HCK: variants seen among roughly 807,000 people sequenced by gnomAD.
HCK encodes the protein tyrosine-protein kinase HCK.
HCK carries 40 observed loss-of-function variants against 70.4 expected under a neutral mutation model. The observed-to-expected ratio is 0.57, with a 90% CI of 0.44 to 0.74. HCK has a LOEUF of 0.74. HCK is among the 30% of genes least tolerant of loss of function. HCK has a pLI of 0.00. For missense variants in HCK, 568 were observed against 697.2 expected (o/e 0.81, Z 2.09); for synonymous variants, 245 against 263.2 (o/e 0.93, Z 0.67).
intron 1 of HCK, chr20:32,054,067 C>A: frequency 2.7e-6 from 1 of 366,376 alleles, no homozygotes; most frequent in Non-Finnish European, 5.4e-6. Context: ...ATTAGATGTC[C>A]CGAGAATCCA....
intron 2 of HCK, 132 bp from the exon 3 acceptor site, chr20:32,073,187 C>T (rs757414462): frequency 7.0e-6 from 5 of 717,508 alleles, no homozygotes; most frequent in Non-Finnish European, 7.3e-6. Flanking sequence ...TGTCCCCTGC[C>T]GTATGTGGGC....
At chr20:32,073,683 G>A (rs369481790) in intron 3 of HCK, 33 bp from the exon 4 acceptor site, 25 of 1,471,622 alleles carry the variant, frequency 1.7e-5, no homozygotes, top group Admixed American at 5.9e-5. Context: ...GCACTTAGAC[G>A]AAACCTCACC....
intron 11 of HCK, 131 bp downstream of exon 11, chr20:32,094,147 G>A: frequency 1.2e-6 from 1 of 815,258 alleles, no homozygotes; most frequent in Non-Finnish European, 1.9e-6. Context: ...TCTTGAGCTT[G>A]GTGGATCCTT....
intron 11 of HCK, among the ~76,000 whole-genome samples, chr20:32,094,751 A>AAGAGAGAGAGAG (rs1327921414): frequency 3.4e-4 from 30 of 87,954 alleles, no homozygotes; most frequent in Middle Eastern, 5.1e-3. Context: ...GAAAGAAAGA[A>AAGAGAGAGAGAG]AGAAAGAAAG....
chr20:32,070,757 T>C (rs2045524350), intron 1 of HCK, among the ~76,000 whole-genome samples: 5 of 152,072 alleles, frequency 3.3e-5, no homozygotes, highest in Admixed American at 3.3e-4. Flanking sequence ...GGCGTGAACT[T>C]GCTTCTCTTC....
At chr20:32,086,830 G>A (rs1452406444) in intron 9 of HCK, 23 bp downstream of exon 9, 5 of 1,559,790 alleles carry the variant, frequency 3.2e-6, no homozygotes, top group Non-Finnish European at 3.5e-6. Context: ...GGGGCTGGGG[G>A]TGCAGGCTGT....
chr20:32,087,243 G>A (rs1461166869), intron 9 of HCK, among the ~76,000 whole-genome samples: 1 of 149,976 alleles, frequency 6.7e-6, no homozygotes, highest in African/African-American at 2.5e-5. Flanking sequence ...CACAACTCAG[G>A]ATTTCTTGGG....
At chr20:32,069,847 C>T in intron 1 of HCK, 2 of 877,414 alleles carry the variant, frequency 2.3e-6, no homozygotes, top group Non-Finnish European at 3.1e-6. Flanking sequence ...ACCACAAATA[C>T]ATGTTTATTT....
At chr20:32,096,499 C>CAAAAA (rs55905450) in intron 11 of HCK, among the ~76,000 whole-genome samples, 1 of 92,464 alleles carries the variant, frequency 1.1e-5, no homozygotes, top group African/African-American at 4.1e-5. Context: ...GACTCCGTCT[C>CAAAAA]AAAAAAAAAA....
At chr20:32,073,501 G>A (rs2297305) in intron 3 of HCK, 140 bp downstream of exon 3, 51,513 of 728,500 alleles carry the variant, frequency 0.071, 2,638 homozygotes, top group African/African-American at 0.2. Context: ...AGTGCTTTGC[G>A]CAGGCTATTG....
intron 5 of HCK, among the ~76,000 whole-genome samples, chr20:32,075,073 C>T (rs967616999): frequency 1.3e-5 from 2 of 152,226 alleles, no homozygotes; most frequent in East Asian, 1.9e-4. Context: ...TCTGCATCCT[C>T]GGCACAGGCT....
chr20:32,086,924 C>T (rs941059464), intron 9 of HCK, 117 bp downstream of exon 9: 35 of 884,580 alleles, frequency 4.0e-5, no homozygotes, highest in Non-Finnish European at 5.7e-5. Flanking sequence ...GCCAGGAGCT[C>T]TTCCAACAAG....
intron 1 of HCK, among the ~76,000 whole-genome samples, chr20:32,056,467 G>A (rs1041222014): frequency 1.3e-5 from 2 of 151,590 alleles, no homozygotes; most frequent in African/African-American, 4.9e-5. Context: ...AGTGAGCCGA[G>A]ATCGAGCCAC....
At chr20:32,052,522 C>T in intron 1 of HCK, 36 bp downstream of exon 1, 1 of 1,248,438 alleles carries the variant, frequency 8.0e-7, no homozygotes, top group Non-Finnish European at 1.0e-6. Flanking sequence ...GAATACCCGG[C>T]CCGCGAGGGG....
chr20:32,058,230 CA>C (rs3833316), intron 1 of HCK, among the ~76,000 whole-genome samples: 141,523 of 150,730 alleles, frequency 0.94, 66,459 homozygotes, highest in East Asian at 0.97. Flanking sequence ...TTCCCAAATC[CA>C]AAAAAAAAAT....
At chr20:32,094,705 AAAAGAAAGAAAGAAAG>A (rs71185377) in intron 11 of HCK, among the ~76,000 whole-genome samples, 6,624 of 74,862 alleles carry the variant, frequency 0.088, 408 homozygotes, top group Non-Finnish European at 0.11. Context: ...AAAAGAAAAG[AAAAGAAAGAAAGAAAG>A]AAAGAAAGAA....
chr20:32,072,495 C>G (rs1057466240), intron 2 of HCK: 1 of 140,854 alleles, frequency 7.1e-6, no homozygotes, highest in Non-Finnish European at 1.5e-5. Flanking sequence ...CCCAGGAGTT[C>G]GAACTGCATG....
At chr20:32,078,676 G>A (rs934917595) in intron 5 of HCK, among the ~76,000 whole-genome samples, 30 of 151,828 alleles carry the variant, frequency 2.0e-4, no homozygotes, top group Admixed American at 2.0e-3. Flanking sequence ...GGCCAACATG[G>A]TAAAACCCCG....
In HCK at chr20:32,052,549, G is replaced by A. The variant is rs895327849; in HGVS notation, c.62+63G>A. 5 of 1,163,530 alleles carry A rather than the reference G, an allele frequency of 4.3e-6. No homozygotes were observed. In the African/African-American group the frequency reaches 6.4e-5, roughly 15 times the overall value. The allele number at this position is 1,163,530 out of a possible 1,614,324, so 72.1% of individuals were successfully genotyped here. On this transcript the variant is annotated intron_variant, in intron 1 of 12. Coordinates refer to ENST00000375852, the MANE Select transcript of HCK (RefSeq NM_002110.5). ...CGCGAGGGGTCCCAGGAGGCGGAGG[G>A]AGCCCAGGAGCCTGGGGAGGGCTGG...
Sources: gnomAD v4.1 joint callset for allele counts (sites outside exome capture counted in the v4.1 genomes callset) on GRCh38, gnomAD v4.1.1 for gene constraint, MANE v1.5 for transcripts, NCBI Gene and HGNC (gene_info 2026-07-23, HGNC 2026-07-21) for gene names.